The following IGFBP2 variants were observed in gnomAD, a reference collection of about 807,000 sequenced individuals.
The protein encoded by IGFBP2 is insulin like growth factor binding protein 2.
IGFBP2 carries 12 observed loss-of-function variants against 26.2 expected under a neutral mutation model. The observed-to-expected ratio is 0.46, with a 90% CI of 0.29 to 0.74. The LOEUF is 0.74. IGFBP2 is among the 30% of genes least tolerant of loss of function. IGFBP2 has a pLI of 0.09. For synonymous variants in IGFBP2, 189 were observed against 200.6 expected, an observed-to-expected ratio of 0.94 and a Z score of 0.49; for missense variants, 328 against 441.2, an observed-to-expected ratio of 0.74 and a Z score of 2.30.
At chr2:216,646,014 C>A (rs768518022) in intron 1 of IGFBP2, among the ~76,000 whole-genome samples, 9 of 152,220 alleles carry the variant, frequency 5.9e-5, no homozygotes, top group Non-Finnish European at 1.2e-4. Flanking sequence ...TACTATCAGA[C>A]AAAATTAGTG....
chr2:216,662,006 T>C lies in IGFBP2; in HGVS notation c.813+8T>C. 1 of 1,613,916 alleles carries C rather than the reference T, an allele frequency of 6.2e-7. No homozygotes were observed. ...CTGTACAACCTCAAACAGGTGAGCATGGTGCCAGCCTGGGCCAGAGCAGCT... is the reference window on the plus strand; with the variant it reads ...CTGTACAACCTCAAACAGGTGAGCACGGTGCCAGCCTGGGCCAGAGCAGCT... On this transcript the variant is annotated splice_region_variant and intron_variant, in intron 3 of 3. Transcript: ENST00000233809.
chr2:216,638,884 T>G (rs1227477485), intron 1 of IGFBP2, among the ~76,000 whole-genome samples: 5 of 151,194 alleles, frequency 3.3e-5, no homozygotes, highest in Non-Finnish European at 7.4e-5. Flanking sequence ...TATTTTTTAG[T>G]AGAGACGGGG....
chr2:216,635,800 T>A (rs1349379649), intron 1 of IGFBP2, among the ~76,000 whole-genome samples: 1 of 151,878 alleles, frequency 6.6e-6, no homozygotes, highest in Non-Finnish European at 1.5e-5. Flanking sequence ...TGGGGTGAGT[T>A]CATGGGAAGA....
At chr2:216,648,558 C>G (rs1008708197) in intron 1 of IGFBP2, among the ~76,000 whole-genome samples, 10 of 152,132 alleles carry the variant, frequency 6.6e-5, no homozygotes, top group African/African-American at 2.4e-4. Context: ...ACTGATAGCT[C>G]TGCTTGATGA....
rs1294189234 is a variant in IGFBP2, at chr2:216,633,666, A to G, written c.143A>G (p.Glu48Gly). Residue 48 changes from glutamate to glycine, a missense_variant, in exon 1 of 4, where the codon GAG becomes GGG. Physicochemically the swap from Glu to Gly is moderately conservative, Grantham distance 98. Transcript: ENST00000233809. Reference protein sequence around the residue: ...VLFRCPPCTPERLAACGPPPV... With the variant: ...VLFRCPPCTPGRLAACGPPPV... ...TTCCGCTGCCCGCCCTGCACACCCG[A>G]GCGCCTGGCCGCCTGCGGGCCCCCG... 9.0e-7 allele frequency: 1 copy of G among 1,106,266 alleles called. No homozygotes were observed. The highest frequency in any genetic ancestry group is 1.1e-6 in the Non-Finnish European group (1 of 910,912). The allele number at this position is 1,106,266 out of a possible 1,614,324, so 68.5% of individuals were successfully genotyped here.
chr2:216,652,322 C>T (rs1005493459), intron 1 of IGFBP2, among the ~76,000 whole-genome samples: 5 of 150,606 alleles, frequency 3.3e-5, no homozygotes, highest in African/African-American at 4.9e-5. Context: ...TACAGGCATG[C>T]GCCACCATGC....
chr2:216,656,387 A>C (rs1697924420), intron 1 of IGFBP2, among the ~76,000 whole-genome samples: 1 of 152,172 alleles, frequency 6.6e-6, no homozygotes, highest in Non-Finnish European at 1.5e-5. Context: ...GATGCGGAAT[A>C]TAGTGGAGCT....
intron 1 of IGFBP2, among the ~76,000 whole-genome samples, chr2:216,643,368 C>T (rs905013894): frequency 3.3e-5 from 5 of 152,118 alleles, no homozygotes; most frequent in Admixed American, 3.3e-4. Context: ...TACCAAAAAG[C>T]CCTCTGAATG....
At chr2:216,635,872 G>A (rs1697484657) in intron 1 of IGFBP2, among the ~76,000 whole-genome samples, 1 of 152,020 alleles carries the variant, frequency 6.6e-6, no homozygotes, top group East Asian at 1.9e-4. Flanking sequence ...CCCCAGCTGC[G>A]TTCTCCTCCC....
At chr2:216,637,914 C>T (rs368882883) in intron 1 of IGFBP2, among the ~76,000 whole-genome samples, 10 of 152,180 alleles carry the variant, frequency 6.6e-5, no homozygotes, top group African/African-American at 2.4e-4. Flanking sequence ...TGGGGCCGGT[C>T]GCATTGGCTC....
chr2:216,661,801 G>A (rs563534885), intron 2 of IGFBP2, 57 bp from the exon 3 acceptor site: 16 of 1,607,074 alleles, frequency 1.0e-5, no homozygotes, highest in East Asian at 6.7e-5. Flanking sequence ...CGTCTGGCGC[G>A]TGCTTCGTGG....
intron 1 of IGFBP2, among the ~76,000 whole-genome samples, chr2:216,656,727 C>A (rs1225687819): frequency 6.6e-6 from 1 of 152,060 alleles, no homozygotes; most frequent in Non-Finnish European, 1.5e-5. Context: ...AACCAGACAA[C>A]GTGTTGTTAT....
At chr2:216,661,077 C>T (rs1290531333) in intron 2 of IGFBP2, 1 of 440,366 alleles carries the variant, frequency 2.3e-6, no homozygotes, top group African/African-American at 2.0e-5. Flanking sequence ...GAGATGAAGA[C>T]AGAGTCCCTG....
intron 1 of IGFBP2, among the ~76,000 whole-genome samples, chr2:216,640,619 G>A (rs1430604854): frequency 6.6e-6 from 1 of 152,138 alleles, no homozygotes; most frequent in African/African-American, 2.4e-5. Context: ...CATTTTGCAG[G>A]TGTGGACACT....
chr2:216,639,842 C>T (rs1261664987), intron 1 of IGFBP2, among the ~76,000 whole-genome samples: 1 of 152,058 alleles, frequency 6.6e-6, no homozygotes. Context: ...AGGTTTTCAC[C>T]ATGTTGGCCA....
At chr2:216,659,511 G>C (rs1029120140) in intron 1 of IGFBP2, 2 of 589,474 alleles carry the variant, frequency 3.4e-6, no homozygotes, top group African/African-American at 3.7e-5. Context: ...GCGGTGTGAG[G>C]CCCTGCCCTT....
At chr2:216,639,827 G>C (rs1159081580) in intron 1 of IGFBP2, among the ~76,000 whole-genome samples, 1 of 151,968 alleles carries the variant, frequency 6.6e-6, no homozygotes, top group African/African-American at 2.4e-5. Flanking sequence ...ATTTTTAGTA[G>C]AGACAGGTTT....
intron 1 of IGFBP2, among the ~76,000 whole-genome samples, chr2:216,644,642 A>G (rs1697676613): frequency 6.6e-6 from 1 of 152,190 alleles, no homozygotes; most frequent in African/African-American, 2.4e-5. Flanking sequence ...AGCCACCTCA[A>G]AGAATAAGTG....
intron 1 of IGFBP2, chr2:216,659,889 A>G: frequency 2.7e-6 from 2 of 731,176 alleles, no homozygotes; most frequent in South Asian, 3.0e-5. Flanking sequence ...TCGGAGCAGC[A>G]CTATGGGACC....
Sources: gnomAD v4.1 joint callset for allele counts (sites outside exome capture counted in the v4.1 genomes callset) on GRCh38, gnomAD v4.1.1 for gene constraint, MANE v1.5 for transcripts, NCBI Gene and HGNC (gene_info 2026-07-23, HGNC 2026-07-21) for gene names.